Variants in CD200R1 observed in about 807,000 individuals in gnomAD.
CD200R1 encodes cell surface glycoprotein CD200 receptor 1.
A neutral mutation model predicts 38.1 loss-of-function variants in CD200R1; 30 were observed. The observed-to-expected ratio is 0.79, with a 90% CI of 0.59 to 1.07. The LOEUF (loss-of-function observed/expected upper bound fraction) is 1.07. CD200R1 is among the 50% of genes least tolerant of loss of function. The probability of loss-of-function intolerance (pLI) is 0.00; values close to 1 mark genes in which losing one functional copy is unlikely to be tolerated. For missense variants in CD200R1, 372 were observed against 415.4 expected, an observed-to-expected ratio of 0.90 and a Z score of 0.91; for synonymous variants, 128 against 152.1, an observed-to-expected ratio of 0.84 and a Z score of 1.16.
chr3:112,925,984 A>C (rs1355323310), intron 5 of CD200R1, among the ~76,000 whole-genome samples: 3 of 152,122 alleles, frequency 2.0e-5, no homozygotes, highest in African/African-American at 7.2e-5. Context: ...TGTTGCTTTA[A>C]AGATTCATTG....
Position 112,925,060 on chromosome 3 carries a change from G to GA in CD200R1, c.878+24dup, listed in dbSNP as rs1445003210. The GA allele has an allele frequency of 7.3e-6, 10 of 1,367,558 alleles. No individual in the cohort carries two copies. In the African/African-American group the frequency reaches 1.0e-4, roughly 14 times the overall value. 84.7% of individuals were successfully genotyped at this position (1,367,558 alleles called of 1,614,324 possible). On this transcript the variant is annotated intron_variant, in intron 6 of 7. Transcript: ENST00000308611. ...TTTCTAGCCTAATAAAGCTGAAGAA[G>GA]AAAAAAACATTCATTAGTCAATACC...
intron 1 of CD200R1, among the ~76,000 whole-genome samples, chr3:112,965,862 C>T (rs139739370): frequency 1.0e-3 from 157 of 152,174 alleles, no homozygotes; most frequent in East Asian, 6.6e-3. Flanking sequence ...GCTAACTGGT[C>T]AGGCAGGATC....
rs574072169 is a variant in CD200R1, at chr3:112,932,867, A to C, written c.137-1696T>G. On this transcript the variant is annotated intron_variant, in intron 2 of 7. Coordinates refer to ENST00000308611, the MANE Select transcript of CD200R1 (RefSeq NM_138806.4). Reference sequence around the variant, plus strand: ...GGCAAATATAACCCCAGGCCTACCAAGTGGCCCCGTGCCTGTAACCAGAGC... The same window carrying C: ...GGCAAATATAACCCCAGGCCTACCACGTGGCCCCGTGCCTGTAACCAGAGC... Among the ~76,000 whole-genome samples, 6 of 152,150 alleles carry C rather than the reference A, an allele frequency of 3.9e-5. No homozygotes were observed. The South Asian group carries it at 6.2e-4, about 16-fold the overall frequency.
chr3:112,947,262 T>C (rs961892218), intron 2 of CD200R1, among the ~76,000 whole-genome samples: 1 of 152,170 alleles, frequency 6.6e-6, no homozygotes, highest in Admixed American at 6.5e-5. Flanking sequence ...TGACCTCTAA[T>C]GCAAACTTTG....
intron 5 of CD200R1, among the ~76,000 whole-genome samples, chr3:112,925,865 A>G (rs1041949375): frequency 6.6e-6 from 1 of 152,174 alleles, no homozygotes; most frequent in Non-Finnish European, 1.5e-5. Context: ...CTGTAGTTTC[A>G]TTTTCAACAC....
intron 2 of CD200R1, among the ~76,000 whole-genome samples, chr3:112,934,985 G>A (rs1275928598): frequency 6.6e-6 from 1 of 151,802 alleles, no homozygotes; most frequent in Non-Finnish European, 1.5e-5. Flanking sequence ...TTAAGACAAA[G>A]GCTATATAAA....
intron 1 of CD200R1, among the ~76,000 whole-genome samples, chr3:112,973,943 T>C (rs1353422499): frequency 1.3e-5 from 2 of 152,166 alleles, no homozygotes; most frequent in Admixed American, 6.5e-5. Flanking sequence ...GTTCTCTAAC[T>C]CGTAGTGTCT....
At chr3:112,964,170 G>A (rs1933096160) in intron 1 of CD200R1, among the ~76,000 whole-genome samples, 1 of 152,226 alleles carries the variant, frequency 6.6e-6, no homozygotes, top group South Asian at 2.1e-4. Context: ...GACTCTCATG[G>A]AGAACCTCTG....
At chr3:112,974,495 C>T (rs1933392231) in intron 1 of CD200R1, among the ~76,000 whole-genome samples, 1 of 151,846 alleles carries the variant, frequency 6.6e-6, no homozygotes. Context: ...TTGATTGCTG[C>T]TAGTATGTAT....
chr3:112,938,611 A>G lies in CD200R1; in HGVS notation c.137-7440T>C, dbSNP rs148180316. On this transcript the variant is annotated intron_variant, in intron 2 of 7. Coordinates refer to ENST00000308611, the MANE Select transcript of CD200R1 (RefSeq NM_138806.4). ...GAGTAATGAGATTGAATTAGTAATG[A>G]AAAGTCTCCCAACAAAGAAAAGTCC... 5.6e-4 allele frequency among the ~76,000 whole-genome samples: 85 copies of G among 152,206 alleles called. 1 individual carries two copies. The highest frequency in any genetic ancestry group is 1.9e-3 in the African/African-American group (81 of 41,558).
chr3:112,975,068 T>C lies in CD200R1; in HGVS notation c.-211A>G, dbSNP rs774232632. The C allele has an allele frequency of 4.8e-5, 27 of 557,718 alleles. No homozygotes were observed. Among genetic ancestry groups the C allele is most frequent in the Admixed American group, 9.1e-5 (3 of 33,102 alleles). The allele number at this position is 557,718 out of a possible 1,614,324, so 34.5% of individuals were successfully genotyped here. Reference sequence around the variant, plus strand: ...AGTAACTTGGACGAACAGAAGCTTTTCTCTGGAACTTGACACAGCAATAGA... The same window carrying C: ...AGTAACTTGGACGAACAGAAGCTTTCCTCTGGAACTTGACACAGCAATAGA... On this transcript the variant is annotated 5_prime_UTR_variant, in exon 1 of 8. Transcript: ENST00000308611.
chr3:112,969,177 T>C (rs922230824), intron 1 of CD200R1, among the ~76,000 whole-genome samples: 1 of 152,004 alleles, frequency 6.6e-6, no homozygotes, highest in African/African-American at 2.4e-5. Context: ...ATATCTAAAA[T>C]AATATATTAA....
At chr3:112,963,516 C>T (rs1434214644) in intron 1 of CD200R1, among the ~76,000 whole-genome samples, 1 of 152,108 alleles carries the variant, frequency 6.6e-6, no homozygotes, top group Non-Finnish European at 1.5e-5. Context: ...AAAGATACTG[C>T]CAGCATTTTG....
At chr3:112,927,581 T>C (rs1940308606) in intron 5 of CD200R1, among the ~76,000 whole-genome samples, 1 of 151,928 alleles carries the variant, frequency 6.6e-6, no homozygotes, top group Non-Finnish European at 1.5e-5. Context: ...AACAAACAAA[T>C]GTATAGAAGA....
chr3:112,965,321 G>C (rs1486903449), intron 1 of CD200R1, among the ~76,000 whole-genome samples: 1 of 152,220 alleles, frequency 6.6e-6, no homozygotes, highest in Admixed American at 6.5e-5. Context: ...GGGCTGATCA[G>C]AGGTAATGGA....
intron 1 of CD200R1, among the ~76,000 whole-genome samples, chr3:112,962,424 C>T (rs947424135): frequency 6.6e-6 from 1 of 152,044 alleles, no homozygotes; most frequent in Non-Finnish European, 1.5e-5. Context: ...AGTTTTGAAA[C>T]TGTAATTTAA....
intron 1 of CD200R1, among the ~76,000 whole-genome samples, chr3:112,968,422 T>C (rs1011673288): frequency 2.0e-5 from 3 of 152,158 alleles, no homozygotes; most frequent in African/African-American, 4.8e-5. Flanking sequence ...GAACTATAAA[T>C]TGTGGACAAA....
At chr3:112,955,997 G>C (rs1393965689) in intron 1 of CD200R1, among the ~76,000 whole-genome samples, 1 of 151,780 alleles carries the variant, frequency 6.6e-6, no homozygotes, top group Non-Finnish European at 1.5e-5. Context: ...GTCTTACTTG[G>C]ATTGAATCTG....
At chr3:112,925,855 C>T (rs1293947275) in intron 5 of CD200R1, among the ~76,000 whole-genome samples, 2 of 152,102 alleles carry the variant, frequency 1.3e-5, no homozygotes, top group East Asian at 3.9e-4. Context: ...AAATTCATAT[C>T]TGTAGTTTCA....
Sources: gnomAD v4.1 joint callset for allele counts (sites outside exome capture counted in the v4.1 genomes callset) on GRCh38, gnomAD v4.1.1 for gene constraint, MANE v1.5 for transcripts, NCBI Gene and HGNC (gene_info 2026-07-23, HGNC 2026-07-21) for gene names.